Variants in DYM observed in about 807,000 individuals in gnomAD.
DYM encodes dymeclin, also known as dyggve-Melchior-Clausen syndrome protein.
In DYM, 78 loss-of-function variants were observed where a neutral mutation model predicts 93.1. The ratio of observed to expected loss-of-function variants is 0.84; its 90% CI spans 0.70 to 1.01. The LOEUF is 1.01. Among genes scored for constraint, DYM ranks in the 50% least tolerant of loss-of-function variants. DYM has a pLI of 0.00. For missense variants in DYM, 789 were observed against 845.0 expected (o/e 0.93, Z 0.82); for synonymous variants, 321 against 319.7 (o/e 1.00, Z -0.04).
intron 16 of DYM, among the ~76,000 whole-genome samples, chr18:49,105,619 T>A (rs940691883): frequency 1.3e-5 from 2 of 152,150 alleles, no homozygotes; most frequent in Non-Finnish European, 2.9e-5. Flanking sequence ...CTTTGTTCTC[T>A]TTGGTTTCAA....
chr18:49,163,482 A>C (rs1242689403), intron 15 of DYM, among the ~76,000 whole-genome samples: 1 of 152,122 alleles, frequency 6.6e-6, no homozygotes, highest in Non-Finnish European at 1.5e-5. Context: ...AATAGCTGGG[A>C]CTACAGGTGT....
intron 8 of DYM, among the ~76,000 whole-genome samples, chr18:49,320,758 C>A (rs966742257): frequency 5.9e-5 from 9 of 152,122 alleles, no homozygotes; most frequent in Non-Finnish European, 2.9e-5. Context: ...CAGGTGTGAG[C>A]CACCGTGGCT....
At chr18:49,392,210 CAGAGA>C (rs1294215085) in intron 2 of DYM, among the ~76,000 whole-genome samples, 1 of 151,974 alleles carries the variant, frequency 6.6e-6, no homozygotes, top group African/African-American at 2.4e-5. Context: ...CAAGATGACA[CAGAGA>C]AAAGAGGCAC....
chr18:49,449,450 C>G (rs1304812578), intron 1 of DYM, among the ~76,000 whole-genome samples: 1 of 152,186 alleles, frequency 6.6e-6, no homozygotes. Context: ...AATCCCCAGA[C>G]TTTTCTATGG....
intron 8 of DYM, among the ~76,000 whole-genome samples, chr18:49,300,078 T>TATATATATAAATATATATATAA (rs2060816178): frequency 7.4e-6 from 1 of 135,936 alleles, no homozygotes; most frequent in African/African-American, 2.7e-5. Context: ...TAAATATATA[T>TATATATATAAATATATATATAA]ATATATAAAT....
Position 49,228,665 on chromosome 18 carries a change from G to A in DYM, c.1461-18950C>T, listed in dbSNP as rs113486140. Among the ~76,000 whole-genome samples, 601 of 152,114 alleles carry A rather than the reference G, an allele frequency of 4.0e-3. 1 individual carries two copies. Among genetic ancestry groups the A allele is most frequent in the Non-Finnish European group, 6.8e-3 (463 of 67,986 alleles). ...TTCAGATTATTTTAAATCAAAATCC[G>A]CAATACTTCTACCAACCTCTAGAAC... On this transcript the variant is annotated intron_variant, in intron 13 of 17. Coordinates refer to ENST00000675505, the MANE Select transcript of DYM (RefSeq NM_001353214.3).
intron 8 of DYM, among the ~76,000 whole-genome samples, chr18:49,301,609 G>A (rs576284010): frequency 6.6e-6 from 1 of 151,910 alleles, no homozygotes; most frequent in South Asian, 2.1e-4. Context: ...GCAAATAGGA[G>A]TGATAGGAAT....
At chr18:49,105,629 A>T (rs1197087840) in intron 16 of DYM, among the ~76,000 whole-genome samples, 2 of 152,198 alleles carry the variant, frequency 1.3e-5, no homozygotes, top group Non-Finnish European at 2.9e-5. Flanking sequence ...TTTGGTTTCA[A>T]AGAATATCTT....
chr18:49,080,503 G>C (rs1369486592), intron 17 of DYM, among the ~76,000 whole-genome samples: 11 of 140,126 alleles, frequency 7.9e-5, no homozygotes, highest in Admixed American at 1.4e-4. Context: ...GCGGCTGGCC[G>C]GGCAGAGGGG....
chr18:49,374,914 G>A (rs770071934), intron 5 of DYM, among the ~76,000 whole-genome samples: 7 of 151,218 alleles, frequency 4.6e-5, no homozygotes, highest in Admixed American at 2.0e-4. Context: ...AGCCGAGATC[G>A]TTCCATTGCA....
chr18:49,337,963 A>G (rs2063797117), intron 6 of DYM, among the ~76,000 whole-genome samples: 1 of 152,156 alleles, frequency 6.6e-6, no homozygotes, highest in Non-Finnish European at 1.5e-5. Flanking sequence ...AGATTAAAAG[A>G]AGGTGGGGGA....
At chr18:49,281,511 T>C (rs1470720381) in intron 10 of DYM, among the ~76,000 whole-genome samples, 1 of 152,246 alleles carries the variant, frequency 6.6e-6, no homozygotes, top group African/African-American at 2.4e-5. Context: ...CACGCATGTT[T>C]ATGGCAGTAC....
intron 10 of DYM, among the ~76,000 whole-genome samples, chr18:49,276,965 A>G (rs1206099321): frequency 2.0e-5 from 3 of 152,204 alleles, no homozygotes; most frequent in Non-Finnish European, 4.4e-5. Flanking sequence ...TTCCAAAGAT[A>G]ATAAGGAGAG....
intron 16 of DYM, 180 bp downstream of exon 16, chr18:49,118,562 ATG>A: frequency 1.6e-6 from 1 of 613,146 alleles, no homozygotes. Context: ...TTAAATATGT[ATG>A]TGTGTGTATA....
intron 11 of DYM, among the ~76,000 whole-genome samples, chr18:49,263,961 G>C (rs78846455): frequency 0.078 from 11,845 of 152,066 alleles, 739 homozygotes; most frequent in East Asian, 0.31. Context: ...GCCTGGTATA[G>C]AGACCACCAC....
chr18:49,050,888 C>G (rs1336548135), intron 17 of DYM, among the ~76,000 whole-genome samples: 1 of 152,144 alleles, frequency 6.6e-6, no homozygotes, highest in African/African-American at 2.4e-5. Context: ...TGGCATGTCA[C>G]TGACATCTTA....
intron 13 of DYM, among the ~76,000 whole-genome samples, chr18:49,219,656 C>A (rs2093256825): frequency 6.6e-6 from 1 of 151,966 alleles, no homozygotes; most frequent in African/African-American, 2.4e-5. Flanking sequence ...AGACAAAAAC[C>A]ACATGATTAT....
intron 2 of DYM, among the ~76,000 whole-genome samples, chr18:49,424,728 A>G (rs1197923563): frequency 6.6e-6 from 1 of 152,182 alleles, no homozygotes; most frequent in Non-Finnish European, 1.5e-5. Context: ...TAAAAATCAC[A>G]AGCATTCTTA....
chr18:49,323,545 T>G (rs764715231), intron 8 of DYM, among the ~76,000 whole-genome samples: 1 of 152,140 alleles, frequency 6.6e-6, no homozygotes, highest in African/African-American at 2.4e-5. Context: ...GGAGCCCCCA[T>G]GATGGGCTTA....
Sources: allele counts gnomAD v4.1 joint callset (sites outside exome capture counted in the v4.1 genomes callset), GRCh38; gene constraint gnomAD v4.1.1; transcripts MANE v1.5; gene names NCBI Gene and HGNC (gene_info 2026-07-23, HGNC 2026-07-21).